Variants in WWOX observed in about 807,000 individuals in gnomAD.
WWOX encodes the protein WW domain containing oxidoreductase.
A neutral mutation model predicts 46.2 loss-of-function variants in WWOX; 69 were observed. That is an observed-to-expected ratio of 1.49 (90% confidence interval 1.23 to 1.82). WWOX has a LOEUF of 1.82. WWOX is among the 40% of genes most tolerant of loss of function. The pLI is 0.00. For synonymous variants in WWOX, 359 were observed against 202.6 expected (o/e 1.77, Z -6.56); for missense variants, 919 against 542.6 (o/e 1.69, Z -6.89).
chr16:78,294,236 G>T (rs1303225775), intron 5 of WWOX, among the ~76,000 whole-genome samples: 2 of 152,070 alleles, frequency 1.3e-5, no homozygotes, highest in African/African-American at 2.4e-5. Context: ...CACCTGTCCA[G>T]TTGATTCTTC....
At chr16:78,782,570 C>A (rs190995148) in intron 8 of WWOX, among the ~76,000 whole-genome samples, 1 of 152,236 alleles carries the variant, frequency 6.6e-6, no homozygotes. Context: ...TCCCTTCCGT[C>A]CACCAGCCAA....
At chr16:78,790,527 A>G (rs1294064033) in intron 8 of WWOX, among the ~76,000 whole-genome samples, 2 of 152,212 alleles carry the variant, frequency 1.3e-5, no homozygotes, top group African/African-American at 4.8e-5. Flanking sequence ...TTCAGCCAAA[A>G]GAGACCAGTA....
At chr16:78,317,696 G>T (rs1047345007) in intron 5 of WWOX, among the ~76,000 whole-genome samples, 35 of 152,236 alleles carry the variant, frequency 2.3e-4, no homozygotes, top group African/African-American at 8.4e-4. Flanking sequence ...ACTCTGTCCA[G>T]AGAGTAAGCG....
intron 8 of WWOX, among the ~76,000 whole-genome samples, chr16:78,969,754 C>G (rs935561013): frequency 1.3e-5 from 2 of 152,024 alleles, no homozygotes; most frequent in African/African-American, 4.8e-5. Flanking sequence ...CACAAAGGAC[C>G]CTATGTTATA....
intron 8 of WWOX, among the ~76,000 whole-genome samples, chr16:78,944,715 G>C (rs2045916919): frequency 2.6e-5 from 4 of 152,188 alleles, no homozygotes; most frequent in Admixed American, 2.6e-4. Context: ...AAGCCAACTT[G>C]AGACCTCCTA....
intron 8 of WWOX, among the ~76,000 whole-genome samples, chr16:78,976,450 G>A (rs2046574402): frequency 6.6e-6 from 1 of 152,206 alleles, no homozygotes; most frequent in African/African-American, 2.4e-5. Flanking sequence ...CAGCCACATG[G>A]CACGCAATGG....
intron 8 of WWOX, among the ~76,000 whole-genome samples, chr16:79,081,635 C>G (rs1047528274): frequency 6.6e-6 from 1 of 152,162 alleles, no homozygotes; most frequent in Non-Finnish European, 1.5e-5. Flanking sequence ...ACTTTTCTCA[C>G]TGCATTATAT....
At chr16:78,887,361 C>G (rs2044486861) in intron 8 of WWOX, among the ~76,000 whole-genome samples, 1 of 151,810 alleles carries the variant, frequency 6.6e-6, no homozygotes, top group Non-Finnish European at 1.5e-5. Flanking sequence ...TCCCAACTCC[C>G]CACGTTTTGG....
intron 8 of WWOX, among the ~76,000 whole-genome samples, chr16:79,060,412 C>T (rs1474635419): frequency 6.6e-6 from 1 of 152,212 alleles, no homozygotes; most frequent in Non-Finnish European, 1.5e-5. Context: ...ATGGTATCAG[C>T]ATGGATGCCC....
At chr16:78,400,309 A>G (rs59081463) in intron 6 of WWOX, among the ~76,000 whole-genome samples, 17,512 of 152,176 alleles carry the variant, frequency 0.12, 1,666 homozygotes, top group African/African-American at 0.25. Flanking sequence ...ATGGGTCTTA[A>G]TGGAATGCAC....
rs189835405 is a variant in WWOX at position 78,291,191 on chromosome 16, C to A, written c.517-95669C>A. Among the ~76,000 whole-genome samples, 79 of 152,238 alleles carry A rather than the reference C, an allele frequency of 5.2e-4. 1 individual carries two copies. The highest frequency in any genetic ancestry group is 1.7e-3 in the African/African-American group (70 of 41,554). On this transcript the variant is annotated intron_variant, in intron 5 of 8. Coordinates refer to ENST00000566780, the MANE Select transcript of WWOX (RefSeq NM_016373.4). ...GTTGAGATGACATATTTTTATCTGACATTTGAAGAAATATTCATAAAATAG... is the reference window on the plus strand; with the variant it reads ...GTTGAGATGACATATTTTTATCTGAAATTTGAAGAAATATTCATAAAATAG...
intron 6 of WWOX, among the ~76,000 whole-genome samples, chr16:78,411,615 G>T (rs1307007458): frequency 6.6e-6 from 1 of 152,140 alleles, no homozygotes; most frequent in Non-Finnish European, 1.5e-5. Context: ...AGACATTTAG[G>T]AACCATTAAA....
At position 79,211,576 on chromosome 16, in the gene WWOX, ATT is replaced by A; in HGVS notation, c.1057-24_1057-23del. ...CCATCTCATCACTCCTTTTCTTAAAATTTTTTTTTGTCTTTCTTCTTGGATTT... is the reference window on the plus strand; with the variant it reads ...CCATCTCATCACTCCTTTTCTTAAAATTTTTTTGTCTTTCTTCTTGGATTT... On this transcript the variant is annotated intron_variant, in intron 8 of 8. Coordinates refer to ENST00000566780, the MANE Select transcript of WWOX (RefSeq NM_016373.4). The A allele has an allele frequency of 3.1e-6, 5 of 1,607,964 alleles. No homozygotes were observed. The South Asian group carries it at 3.3e-5, about 11-fold the overall frequency.
At chr16:78,243,366 T>C (rs1385053564) in intron 5 of WWOX, among the ~76,000 whole-genome samples, 2 of 152,194 alleles carry the variant, frequency 1.3e-5, no homozygotes, top group African/African-American at 4.8e-5. Context: ...ATTTTCATTT[T>C]TTAAAAAACT....
chr16:78,227,556 A>G (rs1357124196), intron 5 of WWOX, among the ~76,000 whole-genome samples: 1 of 152,172 alleles, frequency 6.6e-6, no homozygotes, highest in African/African-American at 2.4e-5. Flanking sequence ...CACCCTTTGA[A>G]GGACCGCAGG....
chr16:79,031,319 A>G (rs565019645), intron 8 of WWOX, among the ~76,000 whole-genome samples: 2 of 152,198 alleles, frequency 1.3e-5, no homozygotes, highest in East Asian at 3.9e-4. Flanking sequence ...GGTACTGATC[A>G]CTGTCCCATC....
intron 5 of WWOX, among the ~76,000 whole-genome samples, chr16:78,300,051 A>G (rs1020981022): frequency 2.0e-5 from 3 of 152,206 alleles, no homozygotes; most frequent in Non-Finnish European, 1.5e-5. Context: ...GCTGCATCTT[A>G]TAAGAAGGAC....
intron 8 of WWOX, among the ~76,000 whole-genome samples, chr16:78,768,671 A>T (rs2142511377): frequency 6.6e-6 from 1 of 151,976 alleles, no homozygotes; most frequent in South Asian, 2.1e-4. Context: ...TTGTGAAATT[A>T]ACTCTGTAGA....
intron 8 of WWOX, among the ~76,000 whole-genome samples, chr16:79,006,965 C>A (rs78297714): frequency 1.3e-5 from 2 of 152,140 alleles, no homozygotes; most frequent in African/African-American, 4.8e-5. Flanking sequence ...TCAGTTCCAC[C>A]CACAATCTTC....
Sources: allele counts gnomAD v4.1 joint callset (sites outside exome capture counted in the v4.1 genomes callset), GRCh38; gene constraint gnomAD v4.1.1; transcripts MANE v1.5; gene names NCBI Gene and HGNC (gene_info 2026-07-23, HGNC 2026-07-21).